NKAIN2: variants seen among roughly 807,000 people sequenced by gnomAD.
The protein encoded by NKAIN2 is sodium/potassium transporting ATPase interacting 2.
NKAIN2 carries 14 observed loss-of-function variants against 32.6 expected under a neutral mutation model. The observed-to-expected ratio is 0.43, with a 90% CI of 0.28 to 0.67. NKAIN2 has a LOEUF of 0.67. Ranked by LOEUF, NKAIN2 falls within the 30% of genes least tolerant of loss-of-function variation. NKAIN2 has a pLI of 0.17. For missense variants in NKAIN2, 198 were observed against 258.3 expected (o/e 0.77, Z 1.60); for synonymous variants, 80 against 87.2 (o/e 0.92, Z 0.46).
At chr6:124,819,933 C>A (rs891829715) in intron 6 of NKAIN2, among the ~76,000 whole-genome samples, 4 of 152,050 alleles carry the variant, frequency 2.6e-5, no homozygotes, top group African/African-American at 7.2e-5. Context: ...TGTATTTTTC[C>A]AATTCATGCT....
At chr6:124,065,577 G>A (rs1375871153) in intron 1 of NKAIN2, among the ~76,000 whole-genome samples, 1 of 152,066 alleles carries the variant, frequency 6.6e-6, no homozygotes. Context: ...CCCTATTTCT[G>A]CCATGTGAGG....
chr6:124,269,301 G>T (rs770962614), intron 1 of NKAIN2, among the ~76,000 whole-genome samples: 1 of 152,012 alleles, frequency 6.6e-6, no homozygotes, highest in Admixed American at 6.6e-5. Context: ...CAATACTAGG[G>T]TTACTTCAAA....
intron 1 of NKAIN2, among the ~76,000 whole-genome samples, chr6:123,864,916 A>T (rs181552947): frequency 6.6e-6 from 1 of 152,292 alleles, no homozygotes; most frequent in East Asian, 1.9e-4. Flanking sequence ...AATTTTACAC[A>T]GAAATATCTT....
At chr6:124,080,534 C>T (rs1783911545) in intron 1 of NKAIN2, among the ~76,000 whole-genome samples, 2 of 151,958 alleles carry the variant, frequency 1.3e-5, no homozygotes, top group African/African-American at 4.8e-5. Context: ...ATATAATATA[C>T]ATATAGACTG....
intron 3 of NKAIN2, among the ~76,000 whole-genome samples, chr6:124,459,955 CTT>C (rs1479853136): frequency 1.3e-5 from 2 of 151,650 alleles, no homozygotes; most frequent in East Asian, 3.9e-4. Flanking sequence ...CTTATTTTCT[CTT>C]GTCCTGACCT....
intron 4 of NKAIN2, among the ~76,000 whole-genome samples, chr6:124,737,304 G>T (rs1443042410): frequency 1.3e-5 from 2 of 151,822 alleles, no homozygotes; most frequent in African/African-American, 4.8e-5. Context: ...GTTCTCACAA[G>T]ATTTGATGGT....
At chr6:124,085,158 C>T (rs993257775) in intron 1 of NKAIN2, among the ~76,000 whole-genome samples, 1 of 152,034 alleles carries the variant, frequency 6.6e-6, no homozygotes, top group Admixed American at 6.6e-5. Context: ...ATTTTGATTA[C>T]ATCTCAGCAA....
At chr6:124,337,554 C>G (rs74987151) in intron 2 of NKAIN2, among the ~76,000 whole-genome samples, 1,690 of 152,234 alleles carry the variant, frequency 0.011, 32 homozygotes, top group African/African-American at 0.039. Context: ...ACTTAAGCAC[C>G]TAGTTTAGAA....
chr6:123,834,489 T>G (rs1774529657), intron 1 of NKAIN2, among the ~76,000 whole-genome samples: 1 of 152,182 alleles, frequency 6.6e-6, no homozygotes, highest in African/African-American at 2.4e-5. Context: ...CTTCTATATT[T>G]TCTACATAGA....
At position 124,823,361 on chromosome 6, in the gene NKAIN2, G is replaced by T. The variant is rs1196550729; in HGVS notation, c.*132G>T. ...CACGTATTAACAAAACAAATGCAAA[G>T]CCTCTACATACAACACTGACACACA... On this transcript the variant is annotated 3_prime_UTR_variant, in exon 7 of 7. Transcript: ENST00000368417. 1 of 733,850 alleles carries T rather than the reference G, an allele frequency of 1.4e-6. No individual in the cohort carries two copies. 45.5% of individuals were successfully genotyped at this position (733,850 alleles called of 1,614,324 possible).
At chr6:123,990,002 G>A (rs1779342328) in intron 1 of NKAIN2, among the ~76,000 whole-genome samples, 1 of 152,176 alleles carries the variant, frequency 6.6e-6, no homozygotes, top group South Asian at 2.1e-4. Context: ...CATGGCTAGG[G>A]AGGCCTCAGG....
chr6:123,808,623 G>A (rs528244317), intron 1 of NKAIN2, among the ~76,000 whole-genome samples: 106 of 152,248 alleles, frequency 7.0e-4, no homozygotes, highest in African/African-American at 2.3e-3. Flanking sequence ...TACAGCTAAA[G>A]TTTCAAAAAG....
At chr6:124,658,149 A>T (rs1360475589) in intron 3 of NKAIN2, 37 bp from the exon 4 acceptor site, 1 of 1,475,096 alleles carries the variant, frequency 6.8e-7, no homozygotes, top group Non-Finnish European at 9.2e-7. Context: ...TAACATTTAT[A>T]AAGTAATTCT....
intron 1 of NKAIN2, among the ~76,000 whole-genome samples, chr6:123,845,406 A>G (rs953188682): frequency 6.6e-5 from 10 of 152,252 alleles, no homozygotes; most frequent in Non-Finnish European, 1.5e-4. Flanking sequence ...TGACATGACA[A>G]ATAGAGATTT....
intron 3 of NKAIN2, among the ~76,000 whole-genome samples, chr6:124,430,040 G>T (rs1775148822): frequency 6.6e-6 from 1 of 152,110 alleles, no homozygotes; most frequent in Non-Finnish European, 1.5e-5. Flanking sequence ...AAAGAGCTGT[G>T]CAATAAAGAC....
chr6:124,010,164 C>T (rs1780260824), intron 1 of NKAIN2, among the ~76,000 whole-genome samples: 1 of 151,972 alleles, frequency 6.6e-6, no homozygotes, highest in African/African-American at 2.4e-5. Context: ...CAGGGTGGAC[C>T]ACTCCCATTT....
At chr6:124,099,652 TGG>T (rs1784791916) in intron 1 of NKAIN2, among the ~76,000 whole-genome samples, 1 of 151,982 alleles carries the variant, frequency 6.6e-6, no homozygotes, top group Non-Finnish European at 1.5e-5. Flanking sequence ...CAGGAGGAGG[TGG>T]GGGAATGTTG....
At chr6:123,944,605 AAAAG>A (rs752626439) in intron 1 of NKAIN2, among the ~76,000 whole-genome samples, 12 of 152,224 alleles carry the variant, frequency 7.9e-5, no homozygotes, top group Non-Finnish European at 1.6e-4. Context: ...GATGCCTAAA[AAAAG>A]AAACATAATC....
At chr6:124,805,581 G>C (rs1462967827) in intron 5 of NKAIN2, among the ~76,000 whole-genome samples, 1 of 152,196 alleles carries the variant, frequency 6.6e-6, no homozygotes, top group South Asian at 2.1e-4. Context: ...AAAAAGCAGA[G>C]CATCTCTCCT....
Sources: gnomAD v4.1 joint callset for allele counts (sites outside exome capture counted in the v4.1 genomes callset) on GRCh38, gnomAD v4.1.1 for gene constraint, MANE v1.5 for transcripts, NCBI Gene and HGNC (gene_info 2026-07-23, HGNC 2026-07-21) for gene names.